NALF1: variants seen among roughly 807,000 people sequenced by gnomAD.
The protein encoded by NALF1 is family with sequence similarity 155 member A.
In NALF1, 3 loss-of-function variants were observed where a neutral mutation model predicts 48.4. The ratio of observed to expected loss-of-function variants is 0.06; its 90% confidence interval spans 0.03 to 0.16. The LOEUF (loss-of-function observed/expected upper bound fraction) is 0.16, where lower values mean the gene tolerates loss of function less well. Ranked by LOEUF, NALF1 falls within the 10% of genes least tolerant of loss-of-function variation. NALF1 has a pLI of 1.00. For missense variants in NALF1, 526 were observed against 571.5 expected (o/e 0.92, Z 0.81); for synonymous variants, 262 against 245.7 (o/e 1.07, Z -0.62).
At chr13:107,204,898 ACG>A (rs200433602) in intron 2 of NALF1, among the ~76,000 whole-genome samples, 1 of 143,188 alleles carries the variant, frequency 7.0e-6, no homozygotes, top group African/African-American at 2.5e-5. Flanking sequence ...ACATACGCAT[ACG>A]CAGGGGAAAA....
At chr13:107,301,632 G>A (rs188491580) in intron 1 of NALF1, among the ~76,000 whole-genome samples, 55 of 151,834 alleles carry the variant, frequency 3.6e-4, no homozygotes, top group Admixed American at 1.3e-4. Context: ...TATTACATAC[G>A]TCTACATAAT....
At chr13:107,431,851 G>T (rs1330153524) in intron 1 of NALF1, among the ~76,000 whole-genome samples, 2 of 152,116 alleles carry the variant, frequency 1.3e-5, no homozygotes, top group African/African-American at 4.8e-5. Flanking sequence ...AGTGCATCTA[G>T]AATGGCAGTA....
chr13:107,635,488 A>G (rs1566424298), intron 1 of NALF1, among the ~76,000 whole-genome samples: 1 of 152,008 alleles, frequency 6.6e-6, no homozygotes, highest in Admixed American at 6.6e-5. Context: ...TATGGGAACT[A>G]CAATTCAGGA....
At chr13:107,539,677 A>G (rs1426762711) in intron 1 of NALF1, among the ~76,000 whole-genome samples, 2 of 152,196 alleles carry the variant, frequency 1.3e-5, no homozygotes, top group Admixed American at 6.6e-5. Flanking sequence ...TATTTTATAT[A>G]GAGTTAATTA....
intron 1 of NALF1, among the ~76,000 whole-genome samples, chr13:107,551,915 AT>A (rs1877305339): frequency 6.6e-6 from 1 of 152,182 alleles, no homozygotes; most frequent in Non-Finnish European, 1.5e-5. Flanking sequence ...CAAGTAGTTA[AT>A]AAAACAATCA....
At chr13:107,819,683 TTCTCTCTC>T (rs35254661) in intron 1 of NALF1, among the ~76,000 whole-genome samples, 37 of 136,468 alleles carry the variant, frequency 2.7e-4, no homozygotes, top group African/African-American at 6.7e-4. Context: ...CAGCTGGAAA[TTCTCTCTC>T]TCTCTCTCTC....
rs575284307 is a variant in NALF1, at chr13:107,418,609, T to C, written c.916-207854A>G. 5.9e-5 allele frequency among the ~76,000 whole-genome samples: 9 copies of C among 152,248 alleles called. No homozygotes were observed. The South Asian group carries it at 1.5e-3, about 25-fold the overall frequency. The stretch of plus-strand genomic sequence containing the variant: ...TGTGCAGGTGTGTTACATGGGTAAA[T>C]TGCATGTCAGTGAGGTTTGGGGTAC... On this transcript the variant is annotated intron_variant, in intron 1 of 2. Coordinates refer to ENST00000375915, the MANE Select transcript of NALF1 (RefSeq NM_001080396.3).
At chr13:107,446,993 T>C (rs1363823635) in intron 1 of NALF1, among the ~76,000 whole-genome samples, 2 of 152,228 alleles carry the variant, frequency 1.3e-5, no homozygotes, top group Admixed American at 6.5e-5. Context: ...GAGTACTTGA[T>C]AAATTGGAGA....
intron 1 of NALF1, among the ~76,000 whole-genome samples, chr13:107,412,241 T>A (rs1009707600): frequency 2.0e-5 from 3 of 152,186 alleles, no homozygotes; most frequent in African/African-American, 7.2e-5. Context: ...AATTTACTTA[T>A]ACCAAGCACC....
intron 1 of NALF1, among the ~76,000 whole-genome samples, chr13:107,739,733 G>C (rs1400205765): frequency 6.6e-6 from 1 of 152,108 alleles, no homozygotes; most frequent in Non-Finnish European, 1.5e-5. Flanking sequence ...GTGAGCAGTG[G>C]GTGAGCGAGC....
chr13:107,309,354 T>C (rs746320501), intron 1 of NALF1, among the ~76,000 whole-genome samples: 3 of 152,242 alleles, frequency 2.0e-5, no homozygotes, highest in Admixed American at 2.0e-4. Context: ...CATACAGAGT[T>C]TTTGACCACT....
rs1648712842 is a variant in NALF1 at position 107,280,729 on chromosome 13, C to G, written c.916-69974G>C. On this transcript the variant is annotated intron_variant, in intron 1 of 2. Coordinates refer to ENST00000375915, the MANE Select transcript of NALF1 (RefSeq NM_001080396.3). ...CACCTTTAGGCAAATTGTGACCAGT[C>G]AGCTCTAATTAAACGGCAAATAGTC... 3.3e-5 allele frequency among the ~76,000 whole-genome samples: 5 copies of G among 152,234 alleles called. No homozygotes were observed. The South Asian group carries it at 1.0e-3, about 32-fold the overall frequency.
At chr13:107,487,596 T>C (rs1002653640) in intron 1 of NALF1, among the ~76,000 whole-genome samples, 1 of 152,202 alleles carries the variant, frequency 6.6e-6, no homozygotes, top group Non-Finnish European at 1.5e-5. Flanking sequence ...AGAGTGCCTA[T>C]GTTGAACCAA....
At chr13:107,491,939 T>C (rs930155370) in intron 1 of NALF1, among the ~76,000 whole-genome samples, 18 of 152,038 alleles carry the variant, frequency 1.2e-4, no homozygotes, top group African/African-American at 2.2e-4. Flanking sequence ...ATTATTATTA[T>C]CCTGCTGAAA....
intron 1 of NALF1, among the ~76,000 whole-genome samples, chr13:107,312,517 C>G (rs1343179715): frequency 6.6e-6 from 1 of 152,116 alleles, no homozygotes; most frequent in African/African-American, 2.4e-5. Flanking sequence ...CACATGTATA[C>G]ATATGTAACA....
At chr13:107,649,483 C>A (rs960697412) in intron 1 of NALF1, among the ~76,000 whole-genome samples, 1 of 152,100 alleles carries the variant, frequency 6.6e-6, no homozygotes, top group African/African-American at 2.4e-5. Flanking sequence ...ATGATTGAAT[C>A]AGATATTTTC....
At chr13:107,815,956 G>C (rs893776614) in intron 1 of NALF1, among the ~76,000 whole-genome samples, 5 of 152,208 alleles carry the variant, frequency 3.3e-5, no homozygotes, top group African/African-American at 9.7e-5. Context: ...AAGTAGATTA[G>C]TAGGTGCCTA....
chr13:107,174,559 G>A (rs1382676503), intron 2 of NALF1, among the ~76,000 whole-genome samples: 1 of 151,918 alleles, frequency 6.6e-6, no homozygotes, highest in Non-Finnish European at 1.5e-5. Context: ...GTTTCACCAT[G>A]TTGGCCAGGA....
At chr13:107,849,813 G>C (rs1002776343) in intron 1 of NALF1, among the ~76,000 whole-genome samples, 6 of 151,920 alleles carry the variant, frequency 3.9e-5, no homozygotes, top group African/African-American at 1.2e-4. Flanking sequence ...CAAGTGATTA[G>C]ACAAAAATAA....
Sources: gnomAD v4.1 joint callset for allele counts (sites outside exome capture counted in the v4.1 genomes callset) on GRCh38, gnomAD v4.1.1 for gene constraint, MANE v1.5 for transcripts, NCBI Gene and HGNC (gene_info 2026-07-23, HGNC 2026-07-21) for gene names.